EXOC4: variants seen among roughly 807,000 people sequenced by gnomAD.
EXOC4 encodes the protein exocyst complex component 4.
EXOC4 carries 71 observed loss-of-function variants against 107.2 expected under a neutral mutation model. The ratio of observed to expected loss-of-function variants is 0.66; its 90% CI spans 0.55 to 0.81. The LOEUF (loss-of-function observed/expected upper bound fraction) is 0.81, where lower values mean the gene tolerates loss of function less well. EXOC4 is among the 30% of genes least tolerant of loss of function. The pLI, the probability that EXOC4 is intolerant of heterozygous loss-of-function variation, is 0.00. For synonymous variants in EXOC4, 456 were observed against 441.2 expected (o/e 1.03, Z -0.42); for missense variants, 1,108 against 1,189.6 (o/e 0.93, Z 1.01).
chr7:133,627,428 T>C (rs1432045559), intron 9 of EXOC4, among the ~76,000 whole-genome samples: 2 of 152,220 alleles, frequency 1.3e-5, no homozygotes, highest in African/African-American at 4.8e-5. Context: ...GGAAATCATC[T>C]AGTCTATCTC....
intron 7 of EXOC4, among the ~76,000 whole-genome samples, chr7:133,436,914 A>C (rs1417374357): frequency 6.6e-6 from 1 of 152,104 alleles, no homozygotes; most frequent in East Asian, 1.9e-4. Context: ...ATATAATTTT[A>C]TATAAATTTA....
intron 7 of EXOC4, among the ~76,000 whole-genome samples, chr7:133,472,758 A>G (rs983193754): frequency 3.3e-5 from 5 of 152,154 alleles, no homozygotes; most frequent in Non-Finnish European, 7.4e-5. Context: ...GAAAGTAGGA[A>G]AAGTGTGTGT....
intron 9 of EXOC4, among the ~76,000 whole-genome samples, chr7:133,529,206 T>C (rs971275947): frequency 1.3e-5 from 2 of 152,206 alleles, no homozygotes; most frequent in African/African-American, 4.8e-5. Flanking sequence ...TTTCTCCTTC[T>C]TCTTTGCCTT....
chr7:133,576,055 C>T (rs1801120176), intron 9 of EXOC4, among the ~76,000 whole-genome samples: 1 of 152,160 alleles, frequency 6.6e-6, no homozygotes, highest in Non-Finnish European at 1.5e-5. Context: ...CAGCACTTTT[C>T]TTATTATCTA....
At chr7:133,559,465 G>C (rs1800767004) in intron 9 of EXOC4, among the ~76,000 whole-genome samples, 1 of 152,072 alleles carries the variant, frequency 6.6e-6, no homozygotes, top group Admixed American at 6.5e-5. Flanking sequence ...ATGTAAAAAA[G>C]GGTCTCAGTA....
rs573961138 is a variant in EXOC4 at position 133,378,416 on chromosome 7, C to CA, written c.1182+3426dup. Among the ~76,000 whole-genome samples, 214 of 105,308 alleles carry CA rather than the reference C, an allele frequency of 2.0e-3. 1 individual carries two copies. Among genetic ancestry groups the CA allele is most frequent in the South Asian group, 3.9e-3 (13 of 3,338 alleles). The allele number at this position is 105,308 out of a possible 152,430, so 69.1% of individuals were successfully genotyped here. A position where few individuals can be genotyped will look rare whatever the true frequency, so the allele number is the denominator to read the frequency against. On this transcript the variant is annotated intron_variant, in intron 7 of 17. Coordinates refer to ENST00000253861, the MANE Select transcript of EXOC4 (RefSeq NM_021807.4). ...GGGCCAGAAATGGTGAATATGTGGACAAAAAAAAAAAATGCTTTTCCCCCC... is the reference window on the plus strand; with the variant it reads ...GGGCCAGAAATGGTGAATATGTGGACAAAAAAAAAAAAATGCTTTTCCCCCC...
intron 10 of EXOC4, among the ~76,000 whole-genome samples, chr7:133,759,473 A>G (rs1266269216): frequency 1.3e-5 from 2 of 152,214 alleles, no homozygotes; most frequent in Non-Finnish European, 2.9e-5. Context: ...TTCCAAGTAC[A>G]AGTATTATCT....
At chr7:133,767,216 T>C (rs1796156935) in intron 10 of EXOC4, among the ~76,000 whole-genome samples, 1 of 151,924 alleles carries the variant, frequency 6.6e-6, no homozygotes, top group Non-Finnish European at 1.5e-5. Context: ...CATCAAAAAC[T>C]TTCTTTTCTA....
Position 133,821,778 on chromosome 7 carries a change from A to G in EXOC4, c.1734+4234A>G, listed in dbSNP as rs187063666. On this transcript the variant is annotated intron_variant, in intron 11 of 17. Transcript: ENST00000253861. ...TCAATAGATAGATAGAAAAGTGCAG[A>G]TATGTGTTACAGTTGGGTCTCTCCT... Among the ~76,000 whole-genome samples, 38 of 152,312 alleles carry G rather than the reference A, an allele frequency of 2.5e-4. 2 individuals are homozygous for G. Among genetic ancestry groups the G allele is most frequent in the Admixed American group, 1.4e-3 (22 of 15,306 alleles).
chr7:134,083,828 T>C, the EXOC4 span, among the ~76,000 whole-genome samples: 1 of 152,344 alleles, frequency 6.6e-6, no homozygotes, highest in African/African-American at 2.4e-5. Context: ...GGAATATCAA[T>C]GAATTTGCAG....
chr7:133,638,044 G>A (rs1339473110), intron 10 of EXOC4, among the ~76,000 whole-genome samples: 5 of 151,998 alleles, frequency 3.3e-5, no homozygotes, highest in South Asian at 2.1e-4. Flanking sequence ...AACGGGAAAT[G>A]TTAGTGAAAA....
chr7:133,549,915 A>G (rs778201869), intron 9 of EXOC4, among the ~76,000 whole-genome samples: 3 of 151,972 alleles, frequency 2.0e-5, no homozygotes, highest in Non-Finnish European at 4.4e-5. Flanking sequence ...TGAAATTCAC[A>G]TTTTTCTTTG....
Position 133,595,621 on chromosome 7 carries a change from G to T in EXOC4, c.1418-34424G>T, listed in dbSNP as rs142127084. Among the ~76,000 whole-genome samples the T allele has an allele frequency of 1.8e-3, 269 of 152,268 alleles. 1 individual carries two copies. The highest frequency in any genetic ancestry group is 6.0e-3 in the African/African-American group (251 of 41,560). On this transcript the variant is annotated intron_variant, in intron 9 of 17. Transcript: ENST00000253861. ...TTTAATCCTTGTTATAGCCTTATGA[G>T]CTATAACTCCCCTTATCCCCATTTT... is the stretch of plus-strand genomic sequence containing the variant.
chr7:133,822,407 C>T (rs1294126418), intron 11 of EXOC4, among the ~76,000 whole-genome samples: 2 of 150,274 alleles, frequency 1.3e-5, no homozygotes, highest in South Asian at 2.1e-4. Context: ...GGGACTAATG[C>T]TTAAGGTTTT....
At chr7:133,385,447 T>TA (rs1401359270) in intron 7 of EXOC4, among the ~76,000 whole-genome samples, 1 of 152,200 alleles carries the variant, frequency 6.6e-6, no homozygotes. Context: ...AGAGAATATT[T>TA]ACGTGATTAC....
chr7:133,878,571 C>T (rs1798897867), intron 11 of EXOC4, among the ~76,000 whole-genome samples: 2 of 152,204 alleles, frequency 1.3e-5, no homozygotes, highest in Non-Finnish European at 2.9e-5. Flanking sequence ...TTAGGCCAAG[C>T]TCGACCCCTG....
chr7:133,257,474 A>G (rs991268543), intron 1 of EXOC4, among the ~76,000 whole-genome samples: 4 of 152,180 alleles, frequency 2.6e-5, no homozygotes, highest in African/African-American at 9.7e-5. Context: ...GCCTCTCTAG[A>G]TGGGAAATAA....
intron 9 of EXOC4, among the ~76,000 whole-genome samples, chr7:133,540,316 A>C (rs569732158): frequency 1.3e-5 from 2 of 152,258 alleles, no homozygotes; most frequent in East Asian, 3.9e-4. Flanking sequence ...CCAGCCCTGG[A>C]ATACTGTTGC....
chr7:133,844,908 A>G (rs1563023823), intron 11 of EXOC4, among the ~76,000 whole-genome samples: 1 of 152,168 alleles, frequency 6.6e-6, no homozygotes, highest in Non-Finnish European at 1.5e-5. Context: ...CCATGTCCAC[A>G]TTAAAACCAC....
Sources: allele counts gnomAD v4.1 joint callset (sites outside exome capture counted in the v4.1 genomes callset), GRCh38; gene constraint gnomAD v4.1.1; transcripts MANE v1.5; gene names NCBI Gene and HGNC (gene_info 2026-07-23, HGNC 2026-07-21).